The following LEMD1 variants were observed in gnomAD, a reference collection of about 807,000 sequenced individuals.
LEMD1 encodes the protein LEM domain containing 1, also known as LEM domain-containing protein 1.
In LEMD1, 18 loss-of-function variants were observed where a neutral mutation model predicts 17.4. The observed-to-expected ratio is 1.04, with a 90% CI of 0.72 to 1.54. The LOEUF (loss-of-function observed/expected upper bound fraction) is 1.54. Ranked by LOEUF, LEMD1 falls within the 40% of genes most tolerant of loss-of-function variation. The pLI is 0.00. For missense variants in LEMD1, 195 were observed against 210.4 expected (o/e 0.93, Z 0.45); for synonymous variants, 88 against 77.8 (o/e 1.13, Z -0.69).
At chr1:205,410,265 A>C (rs1366277077) in intron 4 of LEMD1, among the ~76,000 whole-genome samples, 2 of 151,970 alleles carry the variant, frequency 1.3e-5, no homozygotes, top group African/African-American at 2.4e-5. Flanking sequence ...TCCAGAGCTC[A>C]TTTTCAAGTT....
intron 1 of LEMD1, among the ~76,000 whole-genome samples, chr1:205,440,327 A>G (rs1377029403): frequency 6.6e-6 from 1 of 152,146 alleles, no homozygotes; most frequent in Non-Finnish European, 1.5e-5. Flanking sequence ...GCCACTGGCC[A>G]CCTCTGCCTT....
At chr1:205,419,726 A>G (rs1574995837) in intron 2 of LEMD1, among the ~76,000 whole-genome samples, 1 of 151,978 alleles carries the variant, frequency 6.6e-6, no homozygotes, top group Non-Finnish European at 1.5e-5. Context: ...TCGGCCTCCC[A>G]AATTGCTGGG....
intron 4 of LEMD1, among the ~76,000 whole-genome samples, chr1:205,393,241 C>T (rs146245851): frequency 1.8e-3 from 276 of 152,130 alleles, no homozygotes; most frequent in African/African-American, 6.4e-3. Flanking sequence ...GGCCAATAAG[C>T]ACATAAGATT....
At chr1:205,419,785 G>A (rs1476571325) in intron 2 of LEMD1, among the ~76,000 whole-genome samples, 2 of 152,014 alleles carry the variant, frequency 1.3e-5, no homozygotes, top group African/African-American at 2.4e-5. Flanking sequence ...CTTTTTAAAT[G>A]AGGTAGACTC....
At chr1:205,417,994 A>C (rs757893589) in intron 3 of LEMD1, among the ~76,000 whole-genome samples, 3 of 152,028 alleles carry the variant, frequency 2.0e-5, no homozygotes, top group Admixed American at 6.6e-5. Context: ...AAGTTCTGCT[A>C]TGTGCCTGGA....
intron 4 of LEMD1, among the ~76,000 whole-genome samples, chr1:205,398,913 T>A (rs1385517220): frequency 6.6e-6 from 1 of 152,124 alleles, no homozygotes; most frequent in Admixed American, 6.6e-5. Context: ...TTAGTTACAC[T>A]GAGAAAATTA....
At chr1:205,423,084 C>T (rs1416609100), upstream of LEMD1, among the ~76,000 whole-genome samples, 3 of 152,318 alleles carry the variant, frequency 2.0e-5, no homozygotes, top group East Asian at 5.8e-4. Flanking sequence ...GTATTTTCCT[C>T]AGGAGGCTTC....
intron 1 of LEMD1, among the ~76,000 whole-genome samples, chr1:205,421,576 T>C (rs1459251164): frequency 2.6e-5 from 4 of 152,218 alleles, no homozygotes; most frequent in African/African-American, 4.8e-5. Flanking sequence ...AGGGTTGTTC[T>C]GGAATACCTA....
At chr1:205,384,428 GT>G in intron 4 of LEMD1, 64 bp from the exon 5 acceptor site, 1 of 1,077,168 alleles carries the variant, frequency 9.3e-7, no homozygotes, top group Non-Finnish European at 1.3e-6. Flanking sequence ...AATAACCTTG[GT>G]TTTTATTCTA....
At chr1:205,433,376 G>A (rs1333066432) in intron 1 of LEMD1, among the ~76,000 whole-genome samples, 8 of 152,052 alleles carry the variant, frequency 5.3e-5, no homozygotes, top group Admixed American at 6.6e-5. Flanking sequence ...AGAATCGCTT[G>A]AGCCCAACAG....
intron 1 of LEMD1, among the ~76,000 whole-genome samples, chr1:205,443,839 C>T (rs978625561): frequency 2.6e-5 from 4 of 152,266 alleles, no homozygotes; most frequent in Middle Eastern, 3.4e-3. Flanking sequence ...TTTCCGTATC[C>T]CTGCCCGCTG....
intron 4 of LEMD1, among the ~76,000 whole-genome samples, chr1:205,413,260 G>A (rs1200563851): frequency 6.6e-6 from 1 of 152,010 alleles, no homozygotes; most frequent in African/African-American, 2.4e-5. Flanking sequence ...ACTAAATGAG[G>A]ATAAAATATC....
chr1:205,391,537 C>T (rs1301604940), intron 4 of LEMD1, among the ~76,000 whole-genome samples: 1 of 152,142 alleles, frequency 6.6e-6, no homozygotes, highest in African/African-American at 2.4e-5. Flanking sequence ...GCCAAACAGC[C>T]CATCTCCGCC....
intron 2 of LEMD1, 139 bp from the exon 3 acceptor site, chr1:205,419,491 G>A: frequency 1.1e-6 from 1 of 951,944 alleles, no homozygotes; most frequent in East Asian, 2.6e-5. Context: ...TTTGAGACAG[G>A]GTCTCACTGT....
At position 205,413,587 on chromosome 1, in the gene LEMD1, CTTTTTTTT is replaced by C. The variant is rs781477988; in HGVS notation, c.270+2637_270+2644del. ...GACATGTGCGTGTCACCATGCCCAA[CTTTTTTTT>C]TTTTTTTTTTTTTTTTTTGGAGATA... On this transcript the variant is annotated intron_variant, in intron 4 of 5. Coordinates refer to ENST00000367153, the MANE Select transcript of LEMD1 (RefSeq NM_001199050.2). 5.0e-4 allele frequency among the ~76,000 whole-genome samples: 36 copies of C among 72,500 alleles called. No homozygotes were observed. The South Asian group carries it at 0.011, about 22-fold the overall frequency. 47.6% of individuals were successfully genotyped at this position (72,500 alleles called of 152,430 possible). A position where few individuals can be genotyped will look rare whatever the true frequency, so the allele number is the denominator to read the frequency against.
Position 205,420,486 on chromosome 1 carries a change from C to T in LEMD1, c.51G>A (p.Glu17=), listed in dbSNP as rs139180809. 6 of 1,614,064 alleles carry T rather than the reference C, an allele frequency of 3.7e-6. No homozygotes were observed. The highest frequency in any genetic ancestry group is 5.1e-6 in the Non-Finnish European group (6 of 1,179,950). Residue 17 remains glutamate (E), a synonymous_variant, in exon 2 of 6, where the codon GAG becomes GAA. Coordinates refer to ENST00000367153, the MANE Select transcript of LEMD1 (RefSeq NM_001199050.2). ...LSDCKLQNQL[E]KLGFSPGPIL... ...TTGGGCCAGGTGAAAATCCAAGCTT[C>T]TCAAGTTGGTTCTGCAATTTACAGT... is the stretch of plus-strand genomic sequence containing the variant.
intron 4 of LEMD1, among the ~76,000 whole-genome samples, chr1:205,395,623 A>G (rs1320223871): frequency 6.6e-6 from 1 of 151,958 alleles, no homozygotes; most frequent in African/African-American, 2.4e-5. Flanking sequence ...AAAAAGAGAA[A>G]GAAATTGCTT....
At chr1:205,431,253 A>G (rs1329183130) in intron 1 of LEMD1, among the ~76,000 whole-genome samples, 1 of 152,230 alleles carries the variant, frequency 6.6e-6, no homozygotes, top group Non-Finnish European at 1.5e-5. Context: ...GTGCATATTG[A>G]CTGAATGTCT....
At chr1:205,400,169 C>T (rs1460623088) in intron 4 of LEMD1, among the ~76,000 whole-genome samples, 3 of 152,194 alleles carry the variant, frequency 2.0e-5, no homozygotes, top group African/African-American at 7.2e-5. Flanking sequence ...TCAAACCATC[C>T]TCCCACTTCA....
Sources: allele counts gnomAD v4.1 joint callset (sites outside exome capture counted in the v4.1 genomes callset), GRCh38; gene constraint gnomAD v4.1.1; transcripts MANE v1.5; gene names NCBI Gene and HGNC (gene_info 2026-07-23, HGNC 2026-07-21).